Variants in NEDD4L observed in about 807,000 individuals in gnomAD.
NEDD4L encodes the protein NEDD4 like E3 ubiquitin protein ligase.
In NEDD4L, 54 loss-of-function variants were observed where a neutral mutation model predicts 148.9. The ratio of observed to expected loss-of-function variants is 0.36; its 90% CI spans 0.29 to 0.45. The LOEUF (loss-of-function observed/expected upper bound fraction) is 0.45, where lower values mean the gene tolerates loss of function less well. Ranked by LOEUF, NEDD4L falls within the 20% of genes least tolerant of loss-of-function variation. The pLI, the probability that NEDD4L is intolerant of heterozygous loss-of-function variation, is 1.00. For synonymous variants in NEDD4L, 433 were observed against 440.7 expected (o/e 0.98, Z 0.22); for missense variants, 856 against 1,233.8 (o/e 0.69, Z 4.59).
chr18:58,214,643 GTT>G (rs769171624), intron 2 of NEDD4L, among the ~76,000 whole-genome samples: 21 of 135,564 alleles, frequency 1.5e-4, no homozygotes, highest in African/African-American at 5.7e-4. Context: ...GTGTGTGTGT[GTT>G]TTGTTGTTGT....
At chr18:58,064,832 C>G (rs949472554) in intron 1 of NEDD4L, among the ~76,000 whole-genome samples, 1 of 152,122 alleles carries the variant, frequency 6.6e-6, no homozygotes, top group Admixed American at 6.5e-5. Context: ...TCTGGCCAGG[C>G]GTGATGACTC....
At chr18:58,352,611 A>G (rs1419286632) in intron 18 of NEDD4L, among the ~76,000 whole-genome samples, 1 of 152,200 alleles carries the variant, frequency 6.6e-6, no homozygotes, top group Admixed American at 6.5e-5. Context: ...GTGAGACAAG[A>G]TCATACCACT....
At chr18:58,341,928 G>A in intron 15 of NEDD4L, 131 bp downstream of exon 15, 3 of 1,027,334 alleles carry the variant, frequency 2.9e-6, no homozygotes, top group Non-Finnish European at 4.3e-6. Flanking sequence ...GTAGTGAAGG[G>A]TGTTCTTGTG....
At chr18:58,115,540 T>C (rs504368) in intron 1 of NEDD4L, among the ~76,000 whole-genome samples, 102,681 of 152,064 alleles carry the variant, frequency 0.68, 35,838 homozygotes, top group African/African-American at 0.85. Flanking sequence ...TGTTGAGAAA[T>C]ACTGGATTCT....
At chr18:58,371,888 A>G (rs2046923474) in intron 23 of NEDD4L, 1 of 152,308 alleles carries the variant, frequency 6.6e-6, no homozygotes, top group African/African-American at 2.4e-5. Context: ...GTTAGTGCCT[A>G]AAGTACAGTG....
chr18:58,218,232 G>A (rs1241911892), intron 2 of NEDD4L, among the ~76,000 whole-genome samples: 4 of 151,962 alleles, frequency 2.6e-5, no homozygotes, highest in African/African-American at 7.3e-5. Context: ...GACCCTTTGT[G>A]GTATTTCATA....
intron 1 of NEDD4L, among the ~76,000 whole-genome samples, chr18:58,159,401 G>A (rs1287546158): frequency 6.6e-6 from 1 of 152,132 alleles, no homozygotes; most frequent in Non-Finnish European, 1.5e-5. Flanking sequence ...TGGGCTTCGG[G>A]TGATTTCGAT....
intron 1 of NEDD4L, among the ~76,000 whole-genome samples, chr18:58,135,351 ACT>A (rs1156699357): frequency 1.3e-5 from 2 of 151,992 alleles, no homozygotes; most frequent in African/African-American, 2.4e-5. Context: ...GTTTAATGAT[ACT>A]CTCTCTTACT....
At chr18:58,058,306 A>G (rs746988754) in intron 1 of NEDD4L, among the ~76,000 whole-genome samples, 1 of 152,222 alleles carries the variant, frequency 6.6e-6, no homozygotes, top group African/African-American at 2.4e-5. Context: ...CTCCATCTCA[A>G]AAAGGTGGTA....
At chr18:58,065,556 G>A (rs965048426) in intron 1 of NEDD4L, among the ~76,000 whole-genome samples, 2 of 152,164 alleles carry the variant, frequency 1.3e-5, no homozygotes, top group South Asian at 2.1e-4. Context: ...TAAGAGATAC[G>A]CTGGATGGTG....
intron 2 of NEDD4L, among the ~76,000 whole-genome samples, chr18:58,196,782 G>GGTTATATGCTGGAAACCT (rs2040761058): frequency 1.4e-5 from 2 of 144,652 alleles, no homozygotes; most frequent in Non-Finnish European, 3.0e-5. Flanking sequence ...TATAACTTGA[G>GGTTATATGCTGGAAACCT]GAAAATTGAA....
At chr18:58,230,793 C>T (rs746990902) in intron 2 of NEDD4L, among the ~76,000 whole-genome samples, 1 of 152,140 alleles carries the variant, frequency 6.6e-6, no homozygotes. Flanking sequence ...AGAAGGTAAC[C>T]TATCATAGTG....
At chr18:58,165,407 A>T (rs889961708) in intron 1 of NEDD4L, among the ~76,000 whole-genome samples, 1 of 152,208 alleles carries the variant, frequency 6.6e-6, no homozygotes, top group Admixed American at 6.5e-5. Context: ...GTCAACTTCA[A>T]AGGAGGAATT....
At chr18:58,102,452 A>G (rs1218720603) in intron 1 of NEDD4L, among the ~76,000 whole-genome samples, 1 of 152,210 alleles carries the variant, frequency 6.6e-6, no homozygotes, top group Non-Finnish European at 1.5e-5. Context: ...TGCAATAAGT[A>G]TGATAACACT....
chr18:58,273,076 G>A (rs76815667), intron 5 of NEDD4L, among the ~76,000 whole-genome samples: 5,029 of 152,282 alleles, frequency 0.033, 272 homozygotes, highest in African/African-American at 0.11. Context: ...GGAAGCAGCC[G>A]TTCGCCCAAA....
At chr18:58,082,102 ATTT>A (rs1192932128) in intron 1 of NEDD4L, among the ~76,000 whole-genome samples, 3 of 48,856 alleles carry the variant, frequency 6.1e-5, no homozygotes, top group East Asian at 1.2e-3. Context: ...ATATATATAT[ATTT>A]TTTTTTTTTT....
intron 16 of NEDD4L, among the ~76,000 whole-genome samples, chr18:58,346,147 G>A (rs1224086332): frequency 1.3e-5 from 2 of 152,114 alleles, no homozygotes; most frequent in East Asian, 3.8e-4. Context: ...CTGGAGACCA[G>A]GGGCTTGGGA....
intron 1 of NEDD4L, among the ~76,000 whole-genome samples, chr18:58,118,420 C>A (rs992312184): frequency 1.4e-4 from 22 of 152,190 alleles, no homozygotes; most frequent in African/African-American, 4.8e-4. Flanking sequence ...TTTCTCATCT[C>A]TTTTATGGAT....
chr18:58,221,210 G>C (rs1452196287), intron 2 of NEDD4L, among the ~76,000 whole-genome samples: 1 of 152,172 alleles, frequency 6.6e-6, no homozygotes, highest in Non-Finnish European at 1.5e-5. Flanking sequence ...TTTGTGGCAG[G>C]GTGAAGGGCT....
Sources: allele counts gnomAD v4.1 joint callset (sites outside exome capture counted in the v4.1 genomes callset), GRCh38; gene constraint gnomAD v4.1.1; transcripts MANE v1.5; gene names NCBI Gene and HGNC (gene_info 2026-07-23, HGNC 2026-07-21).